The following CD300LF variants were observed in gnomAD, a reference collection of about 807,000 sequenced individuals.
CD300LF encodes the protein CD300 molecule like family member f, also known as CMRF35-like molecule 1.
In CD300LF, 27 loss-of-function variants were observed where a neutral mutation model predicts 32.2. The ratio of observed to expected loss-of-function variants is 0.84; its 90% CI spans 0.62 to 1.15. The LOEUF (loss-of-function observed/expected upper bound fraction) is 1.15, where lower values mean the gene tolerates loss of function less well. Ranked by LOEUF, CD300LF falls within the 50% of genes most tolerant of loss-of-function variation. The probability of loss-of-function intolerance (pLI) is 0.00; values close to 1 mark genes in which losing one functional copy is unlikely to be tolerated. For missense variants in CD300LF, 348 were observed against 356.8 expected (o/e 0.98, Z 0.20); for synonymous variants, 139 against 143.2 (o/e 0.97, Z 0.21).
At chr17:74,696,346 G>A (rs2032475372) in intron 4 of CD300LF, 129 bp from the exon 5 acceptor site, 1 of 924,614 alleles carries the variant, frequency 1.1e-6, no homozygotes, top group Admixed American at 2.9e-5. Flanking sequence ...CAGGGACCTG[G>A]TTCTAATTCT....
rs1242334376 is a variant in CD300LF, at chr17:74,695,915, C to T, written c.583-56G>A. ...CAAGATCTGTCTGTGGACACAGGTTCCTTTTCCACGGTGGGACGGGACGAG... is the reference window on the plus strand; with the variant it reads ...CAAGATCTGTCTGTGGACACAGGTTTCTTTTCCACGGTGGGACGGGACGAG... On this transcript the variant is annotated intron_variant, in intron 5 of 6. Transcript: ENST00000326165. The T allele has an allele frequency of 1.9e-6, 3 of 1,577,268 alleles. No individual in the cohort carries two copies. The African/African-American group carries it at 4.1e-5, about 21-fold the overall frequency.
At position 74,694,584 on chromosome 17, in the gene CD300LF, A is replaced by G. The variant is rs2032255435; in HGVS notation, c.*512T>C. ...CTTTCTTATGAGGACCCTTGTGGTG[A>G]TATTTTGGGCCCACCTGAATCAGCA... On this transcript the variant is annotated 3_prime_UTR_variant, in exon 7 of 7. Coordinates refer to ENST00000326165, the MANE Select transcript of CD300LF (RefSeq NM_139018.5). The G allele has an allele frequency of 6.6e-6, 1 of 152,268 alleles. No homozygotes were observed. Among genetic ancestry groups the G allele is most frequent in the African/African-American group, 2.4e-5 (1 of 41,386 alleles). 9.4% of individuals were successfully genotyped at this position (152,268 alleles called of 1,614,324 possible).
Position 74,704,733 on chromosome 17 carries a change from T to C in CD300LF, c.127A>G (p.Arg43Gly). The C allele has an allele frequency of 6.2e-7, 1 of 1,614,222 alleles. No individual in the cohort carries two copies. The highest frequency in any genetic ancestry group is 1.1e-5 in the South Asian group (1 of 91,084). Residue 43 changes from arginine to glycine, a missense_variant, in exon 2 of 7, where the codon AGA (arginine) becomes GGA (glycine). Transcript: ENST00000326165. ...RGSLTVQCVY[R>G]SGWETYLKWW... ...TTCAAGTAGGTCTCCCAGCCTGATC[T>C]GTAAACACACTGCACGGTCAAGGAG...
intron 3 of CD300LF, among the ~76,000 whole-genome samples, chr17:74,700,613 A>G (rs759862891): frequency 2.6e-5 from 4 of 152,028 alleles, no homozygotes; most frequent in African/African-American, 4.8e-5. Flanking sequence ...GTGGTGGTGC[A>G]TTCCTGTAAT....
Position 74,707,029 on chromosome 17 carries a change from C to T in CD300LF, c.44-2213G>A, listed in dbSNP as rs117735182. Among the ~76,000 whole-genome samples the T allele has an allele frequency of 1.5e-3, 231 of 152,300 alleles. 1 individual carries two copies. The East Asian group carries it at 0.018, about 12-fold the overall frequency. On this transcript the variant is annotated intron_variant, in intron 1 of 6. Coordinates refer to ENST00000326165, the MANE Select transcript of CD300LF (RefSeq NM_139018.5). ...TAAATGTAAGACCTGAAACTTAAAT[C>T]TCTCAGAAGAAAACCTAATGGAAAA... is the stretch of plus-strand genomic sequence containing the variant.
chr17:74,696,175 G>A lies in CD300LF; in HGVS notation c.582+20C>T, dbSNP rs983331953. 1.1e-5 allele frequency: 17 copies of A among 1,597,454 alleles called. No homozygotes were observed. The highest frequency in any genetic ancestry group is 2.7e-5 in the African/African-American group (2 of 73,640). ...AGAAGCTGCCTGGTCTCTCTGGTCC[G>A]ACCTTGGGGGCTATCTTACCTGCTC... is the stretch of plus-strand genomic sequence containing the variant. On this transcript the variant is annotated intron_variant, in intron 5 of 6. Coordinates refer to ENST00000326165, the MANE Select transcript of CD300LF (RefSeq NM_139018.5).
chr17:74,695,529 G>A (rs1360916915), intron 6 of CD300LF, among the ~76,000 whole-genome samples, 196 bp downstream of exon 6: 1 of 152,184 alleles, frequency 6.6e-6, no homozygotes, highest in East Asian at 1.9e-4. Context: ...GACTGTGTTT[G>A]CCAGTCCCTG....
At chr17:74,695,285 C>T (rs78741900) in intron 6 of CD300LF, 34 bp from the exon 7 acceptor site, 82 of 1,610,776 alleles carry the variant, frequency 5.1e-5, no homozygotes, top group East Asian at 4.7e-4. Context: ...TCAGAGAGGA[C>T]GGCAGGAAGT....
intron 1 of CD300LF, chr17:74,705,156 G>A: frequency 1.4e-6 from 1 of 691,238 alleles, no homozygotes; most frequent in Non-Finnish European, 2.7e-6. Context: ...TGTTAGTCCA[G>A]TGTGGTGGGG....
chr17:74,702,893 G>C (rs918927291), intron 3 of CD300LF, 142 bp downstream of exon 3: 23 of 665,916 alleles, frequency 3.5e-5, no homozygotes, highest in Non-Finnish European at 5.3e-5. Context: ...ACAGCAAGTG[G>C]GAAGGGCTCC....
chr17:74,706,571 G>A (rs1194561135), intron 1 of CD300LF, among the ~76,000 whole-genome samples: 1 of 152,080 alleles, frequency 6.6e-6, no homozygotes, highest in Non-Finnish European at 1.5e-5. Flanking sequence ...GGGAGGCTGA[G>A]GCAAGAGAAT....
intron 1 of CD300LF, among the ~76,000 whole-genome samples, chr17:74,705,683 C>T (rs545805711): frequency 6.6e-6 from 1 of 152,226 alleles, no homozygotes; most frequent in Non-Finnish European, 1.5e-5. Context: ...AAGCCTTCAC[C>T]TCCCAGGCTT....
rs1341552418 is a variant in CD300LF at position 74,695,039 on chromosome 17, C to G, written c.*57G>C. On this transcript the variant is annotated 3_prime_UTR_variant, in exon 7 of 7. Transcript: ENST00000326165. ...ATGAGGGGAGCAGGGGGCAGACGGT[C>G]GATGAGGCAGGAGTGTGCTCACAGC... The G allele has an allele frequency of 2.6e-6, 4 of 1,552,670 alleles. No individual in the cohort carries two copies. In the Admixed American group the frequency reaches 5.8e-5, roughly 22 times the overall value.
chr17:74,696,633 G>T (rs2143572791), intron 4 of CD300LF, among the ~76,000 whole-genome samples: 1 of 152,302 alleles, frequency 6.6e-6, no homozygotes, highest in East Asian at 1.9e-4. Context: ...AGCTACCCAG[G>T]CTGTCTAATC....
rs564421873 is a variant in CD300LF, at chr17:74,695,959, G to C, written c.583-100C>G. 7.8e-6 allele frequency: 11 copies of C among 1,410,994 alleles called. No individual in the cohort carries two copies. In the South Asian group the frequency reaches 1.5e-4, roughly 19 times the overall value. The allele number at this position is 1,410,994 out of a possible 1,614,324, so 87.4% of individuals were successfully genotyped here. A position where few individuals can be genotyped will look rare whatever the true frequency, so the allele number is the denominator to read the frequency against. On this transcript the variant is annotated intron_variant, in intron 5 of 6. Transcript: ENST00000326165. ...GGACGAGAGCCTCTCCACTTCCCCA[G>C]GTGCCCCTCTCCCATTTCCCTCCGT...
chr17:74,704,762 C>A lies in CD300LF; in HGVS notation c.98G>T (p.Arg33Leu), dbSNP rs141171369. ...TGPTTVNGLE[R>L]GSLTVQCVYR... ...AACACACTGCACGGTCAAGGAGCCC[C>A]GCTCCAAGCCATTCACTGTTGTTGG... Residue 33 changes from arginine to leucine, a missense_variant, in exon 2 of 7, where the codon CGG becomes CTG. Transcript: ENST00000326165. 1.2e-6 allele frequency: 2 copies of A among 1,614,124 alleles called. No homozygotes were observed. The highest frequency in any genetic ancestry group is 4.5e-5 in the East Asian group (2 of 44,884).
rs2034072842 is a variant in CD300LF at position 74,712,882 on chromosome 17, G to A, written c.-16C>T. 2 of 1,613,598 alleles carry A rather than the reference G, an allele frequency of 1.2e-6. No individual in the cohort carries two copies. Among genetic ancestry groups the A allele is most frequent in the Non-Finnish European group, 1.7e-6 (2 of 1,179,758 alleles). ...GCAGGGGCATCTTCTCTTCAGACAG[G>A]TCCCCGTTCCCCTCAGTGGAGCCTG... On this transcript the variant is annotated 5_prime_UTR_variant, in exon 1 of 7. Transcript: ENST00000326165.
At chr17:74,708,426 A>T (rs1400372623) in intron 1 of CD300LF, among the ~76,000 whole-genome samples, 2 of 152,194 alleles carry the variant, frequency 1.3e-5, no homozygotes, top group African/African-American at 4.8e-5. Context: ...ATTTCACGAG[A>T]TTAACATAAT....
chr17:74,711,885 T>TTTTTTTC lies in CD300LF; in HGVS notation c.43+932_43+938dup, dbSNP rs552919536. Among the ~76,000 whole-genome samples the TTTTTTTC allele has an allele frequency of 8.6e-5, 13 of 150,788 alleles. No individual in the cohort carries two copies. The East Asian group carries it at 1.6e-3, about 18-fold the overall frequency. ...AAATTATTTTTTTGTTTTCTTTCTT[T>TTTTTTTC]TTTTTTCTTTTTTCTTTTTTCTTTT... On this transcript the variant is annotated intron_variant, in intron 1 of 6. Coordinates refer to ENST00000326165, the MANE Select transcript of CD300LF (RefSeq NM_139018.5).
Sources: allele counts gnomAD v4.1 joint callset (sites outside exome capture counted in the v4.1 genomes callset), GRCh38; gene constraint gnomAD v4.1.1; transcripts MANE v1.5; gene names NCBI Gene and HGNC (gene_info 2026-07-23, HGNC 2026-07-21).